The following KPNA1 variants were observed in gnomAD, a reference collection of about 807,000 sequenced individuals.
The protein encoded by KPNA1 is importin subunit alpha-5.
Under a neutral mutation model 70.5 loss-of-function variants are expected in KPNA1, and 10 were observed. The ratio of observed to expected loss-of-function variants is 0.14; its 90% confidence interval spans 0.09 to 0.24. KPNA1 has a LOEUF of 0.24. Among genes scored for constraint, KPNA1 ranks in the 10% least tolerant of loss-of-function variants. The pLI is 1.00. For missense variants in KPNA1, 397 were observed against 637.9 expected, an observed-to-expected ratio of 0.62 and a Z score of 4.07; for synonymous variants, 192 against 221.9, an observed-to-expected ratio of 0.87 and a Z score of 1.20.
intron 2 of KPNA1, among the ~76,000 whole-genome samples, chr3:122,481,063 G>C (rs1324373996): frequency 6.6e-6 from 1 of 152,126 alleles, no homozygotes; most frequent in African/African-American, 2.4e-5. Flanking sequence ...ATGTAAAATG[G>C]TACAGCTTTT....
chr3:122,475,569 G>A (rs561955761), intron 2 of KPNA1, among the ~76,000 whole-genome samples: 5 of 152,242 alleles, frequency 3.3e-5, no homozygotes, highest in African/African-American at 1.2e-4. Context: ...ATGAACAGAG[G>A]AGGAGGCTTC....
intron 4 of KPNA1, among the ~76,000 whole-genome samples, chr3:122,461,600 G>C (rs2076324578): frequency 6.6e-6 from 1 of 152,100 alleles, no homozygotes; most frequent in Admixed American, 6.5e-5. Context: ...AAAGCAGGGG[G>C]CAAAAAACCC....
At chr3:122,509,166 A>C (rs951377491) in intron 1 of KPNA1, among the ~76,000 whole-genome samples, 1 of 152,048 alleles carries the variant, frequency 6.6e-6, no homozygotes, top group African/African-American at 2.4e-5. Flanking sequence ...CAATGGCTTA[A>C]GCCCAGGAGG....
chr3:122,506,772 C>T (rs1224880344), intron 1 of KPNA1, among the ~76,000 whole-genome samples: 1 of 152,184 alleles, frequency 6.6e-6, no homozygotes, highest in African/African-American at 2.4e-5. Context: ...GCCCCAAATT[C>T]TGACCCCCAA....
rs1459037244 is a variant in KPNA1, at chr3:122,467,702, A to AT, written c.130-274_130-273insA. Among the ~76,000 whole-genome samples, 3 of 152,168 alleles carry AT rather than the reference A, an allele frequency of 2.0e-5. No homozygotes were observed. The East Asian group carries it at 5.8e-4, about 29-fold the overall frequency. On this transcript the variant is annotated intron_variant, in intron 2 of 13. Transcript: ENST00000344337. ...ACACTATATGACATTAAAAAAAAAA[A>AT]GGTTGGAAAAAGGAGCTGGGTCATG...
chr3:122,436,009 C>A (rs2075981420), intron 11 of KPNA1, among the ~76,000 whole-genome samples: 1 of 152,118 alleles, frequency 6.6e-6, no homozygotes, highest in Admixed American at 6.6e-5. Context: ...TCTCTTCTTA[C>A]AAAAGTGAAT....
intron 1 of KPNA1, among the ~76,000 whole-genome samples, chr3:122,503,542 C>T (rs1184223046): frequency 1.3e-5 from 2 of 152,196 alleles, no homozygotes; most frequent in Non-Finnish European, 2.9e-5. Context: ...AGACCAATCA[C>T]ATACAGAAGA....
In KPNA1 at chr3:122,423,912, A is replaced by G. The variant is rs2075787963; in HGVS notation, c.*3073T>C. 6.6e-6 allele frequency: 1 copy of G among 152,264 alleles called. No individual in the cohort carries two copies. The highest frequency in any genetic ancestry group is 2.4e-5 in the African/African-American group (1 of 41,462). 9.4% of individuals were successfully genotyped at this position (152,264 alleles called of 1,614,324 possible). ...AGTTTTTTCAAAAGCGGAACTGACA[A>G]AGATAAGCGTTTAAAAGGGTCTTGA... On this transcript the variant is annotated 3_prime_UTR_variant, in exon 14 of 14. Transcript: ENST00000344337.
At position 122,492,041 on chromosome 3, in the gene KPNA1, T is replaced by C. The variant is rs371487411; in HGVS notation, c.129+4396A>G. Among the ~76,000 whole-genome samples, 495 of 151,612 alleles carry C rather than the reference T, an allele frequency of 3.3e-3. 3 individuals are homozygous for C. The highest frequency in any genetic ancestry group is 0.011 in the African/African-American group (475 of 41,336). On this transcript the variant is annotated intron_variant, in intron 2 of 13. Transcript: ENST00000344337. Reference sequence around the variant, plus strand: ...CATGCCCGGCTAATTTTTGTATTTTTAGTAGAGACGGGGTTTCACCGTGTT... The same window carrying C: ...CATGCCCGGCTAATTTTTGTATTTTCAGTAGAGACGGGGTTTCACCGTGTT...
intron 12 of KPNA1, among the ~76,000 whole-genome samples, chr3:122,428,099 A>G (rs1373556625): frequency 1.3e-5 from 2 of 152,236 alleles, no homozygotes; most frequent in African/African-American, 4.8e-5. Context: ...AAAAGCCAGC[A>G]CAAGCCTGAT....
intron 3 of KPNA1, among the ~76,000 whole-genome samples, chr3:122,466,052 A>T (rs576922655): frequency 6.6e-6 from 1 of 152,184 alleles, no homozygotes; most frequent in East Asian, 1.9e-4. Context: ...AAAAAATTGG[A>T]AAGACTGGCT....
At chr3:122,487,488 G>A (rs1008931373) in intron 2 of KPNA1, among the ~76,000 whole-genome samples, 1 of 152,174 alleles carries the variant, frequency 6.6e-6, no homozygotes, top group African/African-American at 2.4e-5. Context: ...TTATTCACAT[G>A]GGCCAGGAGG....
Position 122,425,939 on chromosome 3 carries a change from A to T in KPNA1, c.*1046T>A, listed in dbSNP as rs2075817742. The T allele has an allele frequency of 2.0e-5, 3 of 152,646 alleles. No homozygotes were observed. The allele number at this position is 152,646 out of a possible 1,614,324, so 9.5% of individuals were successfully genotyped here. Reference sequence around the variant, plus strand: ...AAAAAATCCCAAAGTTACTTTCAAAAGTATGTGTTATCTGCCAGTCACAGA... The same window carrying T: ...AAAAAATCCCAAAGTTACTTTCAAATGTATGTGTTATCTGCCAGTCACAGA... On this transcript the variant is annotated 3_prime_UTR_variant, in exon 14 of 14. Coordinates refer to ENST00000344337, the MANE Select transcript of KPNA1 (RefSeq NM_002264.4).
At chr3:122,441,841 T>C (rs1469182222) in intron 10 of KPNA1, among the ~76,000 whole-genome samples, 197 bp downstream of exon 10, 1 of 152,196 alleles carries the variant, frequency 6.6e-6, no homozygotes, top group African/African-American at 2.4e-5. Flanking sequence ...GCTCAGGCAA[T>C]CCGTCCGCCT....
chr3:122,430,352 G>A (rs1487743719), intron 12 of KPNA1, among the ~76,000 whole-genome samples: 2 of 152,066 alleles, frequency 1.3e-5, no homozygotes, highest in African/African-American at 4.8e-5. Flanking sequence ...TTTGAAGGTT[G>A]GGGATGTTTC....
At chr3:122,436,649 GAA>G (rs970870947) in intron 11 of KPNA1, among the ~76,000 whole-genome samples, 4 of 152,124 alleles carry the variant, frequency 2.6e-5, no homozygotes, top group African/African-American at 9.7e-5. Context: ...AACGGCAACA[GAA>G]AAAATGAAGG....
At chr3:122,436,102 A>G (rs1251333723) in intron 11 of KPNA1, among the ~76,000 whole-genome samples, 1 of 152,208 alleles carries the variant, frequency 6.6e-6, no homozygotes, top group Non-Finnish European at 1.5e-5. Flanking sequence ...GGTCTCTAAA[A>G]TGGCCACTCT....
At chr3:122,464,140 T>C in intron 3 of KPNA1, 99 bp from the exon 4 acceptor site, 1 of 538,532 alleles carries the variant, frequency 1.9e-6, no homozygotes, top group Non-Finnish European at 3.2e-6. Context: ...AAGTTAATCA[T>C]ACTTCCCCAG....
chr3:122,451,664 T>C, intron 7 of KPNA1, 31 bp from the exon 8 acceptor site: 1 of 1,377,886 alleles, frequency 7.3e-7, no homozygotes, highest in Non-Finnish European at 1.0e-6. Context: ...TGGTAAACTA[T>C]GTAACAGACA....
Sources: allele counts gnomAD v4.1 joint callset (sites outside exome capture counted in the v4.1 genomes callset), GRCh38; gene constraint gnomAD v4.1.1; transcripts MANE v1.5; gene names NCBI Gene and HGNC (gene_info 2026-07-23, HGNC 2026-07-21).